C10orf88: variants seen among roughly 807,000 people sequenced by gnomAD.
The protein encoded by C10orf88 is chromosome 10 open reading frame 88, also known as ATPase PAAT.
C10orf88 carries 29 observed loss-of-function variants against 34.2 expected under a neutral mutation model. The ratio of observed to expected loss-of-function variants is 0.85; its 90% CI spans 0.63 to 1.16. C10orf88 has a LOEUF of 1.16. Ranked by LOEUF, C10orf88 falls within the 50% of genes most tolerant of loss-of-function variation. C10orf88 has a pLI of 0.00. For missense variants in C10orf88, 507 were observed against 533.2 expected, an observed-to-expected ratio of 0.95 and a Z score of 0.48; for synonymous variants, 194 against 197.4, an observed-to-expected ratio of 0.98 and a Z score of 0.15.
chr10:122,940,068 A>T (rs1187904648), intron 4 of C10orf88, among the ~76,000 whole-genome samples: 1 of 152,002 alleles, frequency 6.6e-6, no homozygotes, highest in Non-Finnish European at 1.5e-5. Context: ...AAAATAACTG[A>T]AACTGGGATC....
chr10:122,936,620 C>T (rs935220290), intron 5 of C10orf88, among the ~76,000 whole-genome samples: 1 of 152,058 alleles, frequency 6.6e-6, no homozygotes, highest in African/African-American at 2.4e-5. Flanking sequence ...CTAATGTAAT[C>T]ATTTAGTGCT....
rs763150388 is a variant in C10orf88 at position 122,938,070 on chromosome 10, T to C, written c.738A>G (p.Leu246=). 10 of 1,613,136 alleles carry C rather than the reference T, an allele frequency of 6.2e-6. No homozygotes were observed. The highest frequency in any genetic ancestry group is 8.5e-6 in the Non-Finnish European group (10 of 1,179,396). Residue 246 remains leucine (L), a synonymous_variant, in exon 5 of 6, where the codon TTA becomes TTG. Transcript: ENST00000481909. ...TGGAGGACGACTTGTTTAAGGTTCC[T>C]AAGGTAGATGAGGATTGTAGTCCAA... ...HMIGLQSSST[L]GTLNKSSSTP...
chr10:122,934,000 A>T (rs766438892), intron 5 of C10orf88, among the ~76,000 whole-genome samples: 21 of 152,284 alleles, frequency 1.4e-4, no homozygotes, highest in Non-Finnish European at 2.8e-4. Context: ...GTCCTCAATT[A>T]AGAGTGTAAA....
chr10:122,952,749 G>C (rs533619546), intron 2 of C10orf88, 80 bp downstream of exon 2: 36 of 1,525,238 alleles, frequency 2.4e-5, no homozygotes, highest in Non-Finnish European at 1.8e-6. Context: ...CAATATCAGA[G>C]AATCAATAAT....
chr10:122,932,756 G>A, intron 5 of C10orf88, 95 bp from the exon 6 acceptor site: 6 of 834,688 alleles, frequency 7.2e-6, no homozygotes, highest in Non-Finnish European at 1.8e-6. Flanking sequence ...GCTGAGATTT[G>A]TCTCCACAAC....
intron 3 of C10orf88, among the ~76,000 whole-genome samples, chr10:122,950,699 A>G (rs1251750429): frequency 2.0e-5 from 3 of 152,206 alleles, no homozygotes; most frequent in African/African-American, 7.2e-5. Context: ...TACAAGCAAC[A>G]TAAGTTCAGG....
At chr10:122,953,071 T>C (rs949712275) in intron 1 of C10orf88, 39 bp from the exon 2 acceptor site, 7 of 1,481,090 alleles carry the variant, frequency 4.7e-6, no homozygotes, top group Non-Finnish European at 6.6e-6. Flanking sequence ...ACAGTATAGT[T>C]CTCTGAACAT....
At chr10:122,941,572 T>C (rs1037360146) in intron 4 of C10orf88, among the ~76,000 whole-genome samples, 2 of 152,122 alleles carry the variant, frequency 1.3e-5, no homozygotes, top group African/African-American at 4.8e-5. Context: ...CCATTTTATG[T>C]GCAGAAAGTT....
chr10:122,934,013 C>T (rs1013173107), intron 5 of C10orf88, among the ~76,000 whole-genome samples: 1 of 151,864 alleles, frequency 6.6e-6, no homozygotes, highest in Non-Finnish European at 1.5e-5. Context: ...AGTGTAAAGA[C>T]CAAAAGTCTG....
intron 4 of C10orf88, among the ~76,000 whole-genome samples, chr10:122,942,766 C>T (rs1178484519): frequency 6.6e-6 from 1 of 151,286 alleles, no homozygotes; most frequent in Non-Finnish European, 1.5e-5. Context: ...AGTGAACTCC[C>T]ATTCACAATT....
chr10:122,934,001 A>C (rs1447151093), intron 5 of C10orf88, among the ~76,000 whole-genome samples: 2 of 152,190 alleles, frequency 1.3e-5, no homozygotes. Flanking sequence ...TCCTCAATTA[A>C]GAGTGTAAAG....
chr10:122,937,177 A>G (rs1848541067), intron 5 of C10orf88, among the ~76,000 whole-genome samples: 1 of 152,044 alleles, frequency 6.6e-6, no homozygotes. Flanking sequence ...GGAACATAAT[A>G]CTTAGCTATC....
rs747218113 is a variant in C10orf88 at position 122,932,491 on chromosome 10, G to A, written c.1274C>T (p.Pro425Leu). The change falls in exon 6 of 6, where the codon CCG becomes CTG. Residue 425 changes from proline to leucine, a missense_variant. By Grantham distance (98) the Pro-to-Leu change is moderately conservative. Coordinates refer to ENST00000481909, the MANE Select transcript of C10orf88 (RefSeq NM_024942.4). ...ATGTCTTAGAGGTATCCCAGTGGGC[G>A]GGGAGTTAGGATTTTGCAGCAAATC... ...LLDLLQNPNSPPTGIPLRHYD... is the reference protein window; with the variant it reads ...LLDLLQNPNSLPTGIPLRHYD... 8.1e-6 allele frequency: 13 copies of A among 1,613,832 alleles called. No individual in the cohort carries two copies. In the East Asian group the frequency reaches 1.1e-4, roughly 14 times the overall value.
chr10:122,950,081 T>C (rs1340827069), intron 3 of C10orf88, among the ~76,000 whole-genome samples: 1 of 152,122 alleles, frequency 6.6e-6, no homozygotes, highest in Admixed American at 6.5e-5. Flanking sequence ...GACAACAGAG[T>C]AGCAAAATGG....
At chr10:122,938,237 C>T in intron 4 of C10orf88, 78 bp from the exon 5 acceptor site, 1 of 1,167,570 alleles carries the variant, frequency 8.6e-7, no homozygotes, top group African/African-American at 1.6e-5. Context: ...ATGAGTCAGG[C>T]ACTGTGCATT....
At chr10:122,943,785 CACTGGCCAT>C (rs1178756568) in intron 4 of C10orf88, among the ~76,000 whole-genome samples, 1 of 152,216 alleles carries the variant, frequency 6.6e-6, no homozygotes, top group African/African-American at 2.4e-5. Context: ...TGCTCACCAT[CACTGGCCAT>C]CAGAGAAACG....
intron 4 of C10orf88, among the ~76,000 whole-genome samples, chr10:122,943,601 G>A (rs1364635574): frequency 6.6e-6 from 1 of 152,078 alleles, no homozygotes; most frequent in Non-Finnish European, 1.5e-5. Context: ...TACAGAATGG[G>A]AGAAAATTTT....
At position 122,932,668 on chromosome 10, in the gene C10orf88, A is replaced by T. The variant is rs763589643; in HGVS notation, c.1104-7T>A. On this transcript the variant is annotated splice_polypyrimidine_tract_variant and splice_region_variant and intron_variant, in intron 5 of 5. Coordinates refer to ENST00000481909, the MANE Select transcript of C10orf88 (RefSeq NM_024942.4). ...AATAGATTGCTCTTCCATTCTAAAA[A>T]TACATTTTTAAAAATGTGTAAATTT... 9.6e-6 allele frequency: 15 copies of T among 1,564,138 alleles called. No individual in the cohort carries two copies. The highest frequency in any genetic ancestry group is 1.3e-5 in the Non-Finnish European group (15 of 1,150,142).
intron 4 of C10orf88, among the ~76,000 whole-genome samples, chr10:122,947,024 A>G (rs1589697136): frequency 6.6e-6 from 1 of 152,282 alleles, no homozygotes; most frequent in East Asian, 1.9e-4. Flanking sequence ...GGAGGCAAGC[A>G]GTCAGGGGGC....
Sources: allele counts gnomAD v4.1 joint callset (sites outside exome capture counted in the v4.1 genomes callset), GRCh38; gene constraint gnomAD v4.1.1; transcripts MANE v1.5; gene names NCBI Gene and HGNC (gene_info 2026-07-23, HGNC 2026-07-21).